Variants in HMGA2 observed in about 807,000 individuals in gnomAD.
The protein encoded by HMGA2 is high mobility group protein HMGI-C.
In HMGA2, 8 loss-of-function variants were observed where a neutral mutation model predicts 19.1. The observed-to-expected ratio is 0.42, with a 90% CI of 0.25 to 0.76. HMGA2 has a LOEUF of 0.76. Among genes scored for constraint, HMGA2 ranks in the 30% least tolerant of loss-of-function variants. The pLI is 0.28. For missense variants in HMGA2, 109 were observed against 136.3 expected, an observed-to-expected ratio of 0.80 and a Z score of 1.00; for synonymous variants, 60 against 48.8, an observed-to-expected ratio of 1.23 and a Z score of -0.96.
intron 3 of HMGA2, among the ~76,000 whole-genome samples, chr12:65,929,013 T>G (rs1565735421): frequency 6.6e-6 from 1 of 152,230 alleles, no homozygotes; most frequent in East Asian, 1.9e-4. Context: ...TTTTCTAACC[T>G]TCTTACCATT....
At chr12:65,836,728 TAA>T (rs1368505053) in intron 2 of HMGA2, among the ~76,000 whole-genome samples, 1 of 152,240 alleles carries the variant, frequency 6.6e-6, no homozygotes, top group African/African-American at 2.4e-5. Context: ...ACAATGCCAC[TAA>T]CCTCTGACAA....
intron 3 of HMGA2, among the ~76,000 whole-genome samples, chr12:65,912,220 A>G (rs907561726): frequency 6.6e-6 from 1 of 152,190 alleles, no homozygotes; most frequent in African/African-American, 2.4e-5. Flanking sequence ...TATTTTGGTA[A>G]GCTAATCAAA....
intron 3 of HMGA2, among the ~76,000 whole-genome samples, chr12:65,895,651 T>C (rs1455000699): frequency 2.6e-5 from 4 of 152,192 alleles, no homozygotes; most frequent in Non-Finnish European, 4.4e-5. Context: ...AGCAAACAAA[T>C]ACCTCCTTGT....
At chr12:65,944,847 G>T (rs1466207174) in intron 3 of HMGA2, among the ~76,000 whole-genome samples, 3 of 152,096 alleles carry the variant, frequency 2.0e-5, no homozygotes, top group East Asian at 1.9e-4. Context: ...AGGAGGGTTT[G>T]CATCTAGAAA....
At chr12:65,862,348 C>T (rs1354440877) in intron 3 of HMGA2, among the ~76,000 whole-genome samples, 1 of 151,978 alleles carries the variant, frequency 6.6e-6, no homozygotes, top group East Asian at 1.9e-4. Flanking sequence ...TTCTGTCTGT[C>T]TCTGTGTCCC....
rs117339553 is a variant in HMGA2 at position 65,879,871 on chromosome 12, A to G, written c.249+41302A>G. ...GCATAACATATCTCCACAGGGATTT[A>G]TGTTCTTTTCAGTCTGGTATCTTTT... On this transcript the variant is annotated intron_variant, in intron 3 of 4. Transcript: ENST00000403681. Among the ~76,000 whole-genome samples the G allele has an allele frequency of 1.7e-3, 252 of 152,320 alleles. 6 individuals carry two copies. The East Asian group carries it at 0.039, about 24-fold the overall frequency.
At chr12:65,894,999 G>A (rs150825872) in intron 3 of HMGA2, among the ~76,000 whole-genome samples, 295 of 152,164 alleles carry the variant, frequency 1.9e-3, no homozygotes, top group Middle Eastern at 0.01. Context: ...TAAATCCACC[G>A]GTACCAGTAA....
intron 3 of HMGA2, among the ~76,000 whole-genome samples, chr12:65,838,986 C>CTTTTTTTTTTTTT (rs1236837070): frequency 4.4e-5 from 4 of 91,332 alleles, no homozygotes; most frequent in African/African-American, 2.1e-4. Flanking sequence ...CTTTTTCTTT[C>CTTTTTTTTTTTTT]TTTTTCTTTT....
At chr12:65,962,689 G>C (rs1458022174) in intron 4 of HMGA2, among the ~76,000 whole-genome samples, 1 of 152,142 alleles carries the variant, frequency 6.6e-6, no homozygotes, top group Non-Finnish European at 1.5e-5. Context: ...CACACACCCT[G>C]TAATTTTGGG....
chr12:65,836,799 C>G (rs1870748453), intron 2 of HMGA2, among the ~76,000 whole-genome samples: 2 of 152,128 alleles, frequency 1.3e-5, no homozygotes, highest in South Asian at 4.1e-4. Context: ...TCAGAGTGTC[C>G]AAATCAGATG....
intron 3 of HMGA2, chr12:65,882,032 A>G: frequency 1.5e-6 from 1 of 651,014 alleles, no homozygotes. Context: ...GTGGAGTTTT[A>G]CCTCCCAGTT....
At chr12:65,962,554 G>A (rs1354008530) in intron 4 of HMGA2, among the ~76,000 whole-genome samples, 1 of 152,092 alleles carries the variant, frequency 6.6e-6, no homozygotes, top group Non-Finnish European at 1.5e-5. Flanking sequence ...ATACAAGGGG[G>A]AGGAAATGGA....
intron 3 of HMGA2, among the ~76,000 whole-genome samples, chr12:65,853,979 C>T (rs1054136887): frequency 5.3e-5 from 8 of 152,196 alleles, no homozygotes; most frequent in Non-Finnish European, 8.8e-5. Flanking sequence ...TTCCCATGCT[C>T]ATGAATCATA....
intron 2 of HMGA2, among the ~76,000 whole-genome samples, chr12:65,832,679 C>A (rs2120845826): frequency 6.6e-6 from 1 of 152,024 alleles, no homozygotes; most frequent in Middle Eastern, 3.4e-3. Context: ...GTTCTGCCAA[C>A]CAAGAGAAAA....
intron 3 of HMGA2, chr12:65,915,382 A>G: frequency 7.7e-7 from 1 of 1,304,368 alleles, no homozygotes; most frequent in South Asian, 1.5e-5. Context: ...CTCTAGGCAC[A>G]TGCAGAGCCA....
chr12:65,850,339 G>C (rs1008482593), intron 3 of HMGA2, among the ~76,000 whole-genome samples: 1 of 152,128 alleles, frequency 6.6e-6, no homozygotes, highest in African/African-American at 2.4e-5. Flanking sequence ...TTCTTAGGGA[G>C]CCACAGTATT....
At chr12:65,833,712 C>T (rs1420680909) in intron 2 of HMGA2, among the ~76,000 whole-genome samples, 1 of 152,088 alleles carries the variant, frequency 6.6e-6, no homozygotes, top group Non-Finnish European at 1.5e-5. Context: ...GGGAATAGCT[C>T]TCCAAAGAAC....
chr12:65,845,160 C>T (rs1004694565), intron 3 of HMGA2, among the ~76,000 whole-genome samples: 1 of 152,054 alleles, frequency 6.6e-6, no homozygotes, highest in Admixed American at 6.6e-5. Flanking sequence ...TAATATGCCA[C>T]GTTTTTTTAA....
At chr12:65,941,201 A>G (rs1237449621) in intron 3 of HMGA2, among the ~76,000 whole-genome samples, 2 of 152,204 alleles carry the variant, frequency 1.3e-5, no homozygotes, top group African/African-American at 4.8e-5. Context: ...GATTCGGAAG[A>G]CAAGACGAAT....
Sources: allele counts gnomAD v4.1 joint callset (sites outside exome capture counted in the v4.1 genomes callset), GRCh38; gene constraint gnomAD v4.1.1; transcripts MANE v1.5; gene names NCBI Gene and HGNC (gene_info 2026-07-23, HGNC 2026-07-21).